RBFOX1: variants seen among roughly 807,000 people sequenced by gnomAD.
RBFOX1 encodes the protein RNA binding protein fox-1 homolog 1.
A neutral mutation model predicts 57.7 loss-of-function variants in RBFOX1; 8 were observed. The ratio of observed to expected loss-of-function variants is 0.14; its 90% CI spans 0.08 to 0.25. The LOEUF (loss-of-function observed/expected upper bound fraction) is 0.25, where lower values mean the gene tolerates loss of function less well. RBFOX1 is among the 10% of genes least tolerant of loss of function. The probability of loss-of-function intolerance (pLI) is 1.00; values close to 1 mark genes in which losing one functional copy is unlikely to be tolerated. For missense variants in RBFOX1, 611 were observed against 548.5 expected (o/e 1.11, Z -1.14); for synonymous variants, 326 against 222.4 (o/e 1.47, Z -4.15).
upstream of RBFOX1, among the ~76,000 whole-genome samples, chr16:6,014,407 T>C (rs1328308323): frequency 6.6e-6 from 1 of 152,196 alleles, no homozygotes; most frequent in Non-Finnish European, 1.5e-5. Flanking sequence ...CAAAAGTTGC[T>C]GTCTTTTCAC....
intron 1 of RBFOX1, among the ~76,000 whole-genome samples, chr16:6,107,623 G>A (rs1267059072): frequency 6.6e-6 from 1 of 151,748 alleles, no homozygotes; most frequent in Non-Finnish European, 1.5e-5. Context: ...ATACATAGAT[G>A]AATGGGTGAA....
chr16:5,851,672 T>G (rs143731541), intron 3 of RBFOX1, among the ~76,000 whole-genome samples: 48 of 152,354 alleles, frequency 3.2e-4, no homozygotes, highest in African/African-American at 9.6e-4. Context: ...CTCTGTGCTA[T>G]CAAAGGTTCT....
intron 4 of RBFOX1, among the ~76,000 whole-genome samples, chr16:7,371,748 CT>C (rs1456234977): frequency 6.6e-6 from 1 of 151,964 alleles, no homozygotes; most frequent in East Asian, 1.9e-4. Context: ...AAAACTCTAT[CT>C]GCAAAAAAGA....
intron 3 of RBFOX1, among the ~76,000 whole-genome samples, chr16:5,633,343 CT>C (rs2048580295): frequency 6.6e-6 from 1 of 152,066 alleles, no homozygotes; most frequent in African/African-American, 2.4e-5. Context: ...CATAGGTGCT[CT>C]TTTTGTAAAA....
chr16:6,057,294 C>G (rs1202488152), intron 1 of RBFOX1, among the ~76,000 whole-genome samples: 1 of 151,930 alleles, frequency 6.6e-6, no homozygotes, highest in African/African-American at 2.4e-5. Context: ...AGAATAATGA[C>G]CTGGGTTTTT....
intron 1 of RBFOX1, among the ~76,000 whole-genome samples, chr16:5,372,028 C>A (rs765536567): frequency 6.6e-6 from 1 of 152,170 alleles, no homozygotes; most frequent in African/African-American, 2.4e-5. Context: ...TTAAGATGCT[C>A]ATGATTTTGT....
At chr16:6,686,254 G>A (rs2059422099) in intron 3 of RBFOX1, among the ~76,000 whole-genome samples, 1 of 152,150 alleles carries the variant, frequency 6.6e-6, no homozygotes. Flanking sequence ...ATGAGACAGT[G>A]GTCAGGGCCA....
At chr16:6,953,752 G>T (rs901196111) in intron 3 of RBFOX1, among the ~76,000 whole-genome samples, 2 of 152,154 alleles carry the variant, frequency 1.3e-5, no homozygotes, top group African/African-American at 4.8e-5. Context: ...CATAATGGGT[G>T]TTGGTGCATT....
chr16:5,758,314 C>T (rs767850396), intron 3 of RBFOX1, among the ~76,000 whole-genome samples: 2 of 152,190 alleles, frequency 1.3e-5, no homozygotes, highest in East Asian at 1.9e-4. Flanking sequence ...AGTTACCTCT[C>T]GGCTCTATTA....
intron 1 of RBFOX1, among the ~76,000 whole-genome samples, chr16:6,196,011 T>G (rs1022414581): frequency 3.3e-5 from 5 of 152,182 alleles, no homozygotes; most frequent in Non-Finnish European, 7.3e-5. Context: ...CTAGGAGTAC[T>G]TGTAATATTC....
chr16:6,646,107 T>C (rs2098532424), intron 2 of RBFOX1, among the ~76,000 whole-genome samples: 1 of 151,798 alleles, frequency 6.6e-6, no homozygotes, highest in Admixed American at 6.6e-5. Context: ...CACTTTTAAG[T>C]AGTTGAGCTG....
Position 7,589,912 on chromosome 16 carries a change from GGTGTGTGTGTGTGTGTGT to G in RBFOX1, c.468+2635_468+2652del, listed in dbSNP as rs3029164. Among the ~76,000 whole-genome samples the G allele has an allele frequency of 2.2e-5, 3 of 134,946 alleles. No homozygotes were observed. The Admixed American group carries it at 2.3e-4, about 10-fold the overall frequency. The allele number at this position is 134,946 out of a possible 152,430, so 88.5% of individuals were successfully genotyped here. Reference sequence around the variant, plus strand: ...TCAATGCTGAAGGCTGTGTGTGCTGGGTGTGTGTGTGTGTGTGTGTGTGTGTGTGTGTGTGTGTGTATG... The same window carrying G: ...TCAATGCTGAAGGCTGTGTGTGCTGGGTGTGTGTGTGTGTGTGTGTGTATG... On this transcript the variant is annotated intron_variant, in intron 7 of 15. Transcript: ENST00000550418.
intron 4 of RBFOX1, among the ~76,000 whole-genome samples, chr16:7,317,898 C>G (rs916704097): frequency 6.6e-6 from 1 of 150,904 alleles, no homozygotes; most frequent in African/African-American, 2.4e-5. Context: ...GTATACTACC[C>G]CAGTACAGTA....
chr16:5,322,046 A>C (rs1768879842), intron 1 of RBFOX1, among the ~76,000 whole-genome samples: 1 of 152,134 alleles, frequency 6.6e-6, no homozygotes, highest in South Asian at 2.1e-4. Context: ...GCTGAGGCTT[A>C]GGGGGCTTTA....
chr16:5,952,376 C>T (rs551139121), intron 4 of RBFOX1, among the ~76,000 whole-genome samples: 3 of 152,206 alleles, frequency 2.0e-5, no homozygotes, highest in Non-Finnish European at 2.9e-5. Context: ...GTCTCAAATT[C>T]CTGACCTCAA....
intron 2 of RBFOX1, among the ~76,000 whole-genome samples, chr16:6,552,888 A>G (rs978435103): frequency 6.6e-6 from 1 of 152,144 alleles, no homozygotes; most frequent in Non-Finnish European, 1.5e-5. Context: ...TATACATAAT[A>G]TAACAAAATG....
At chr16:7,061,782 C>T (rs1004615590) in intron 4 of RBFOX1, among the ~76,000 whole-genome samples, 44 of 152,138 alleles carry the variant, frequency 2.9e-4, no homozygotes, top group Non-Finnish European at 1.0e-4. Flanking sequence ...CTCTTCATTT[C>T]TATGACTGAT....
chr16:6,042,102 CTTT>C (rs35458939), intron 1 of RBFOX1, among the ~76,000 whole-genome samples: 4 of 140,898 alleles, frequency 2.8e-5, no homozygotes, highest in Non-Finnish European at 3.1e-5. Context: ...CTCTCTCCTA[CTTT>C]TTTTTTTTTT....
In RBFOX1 at chr16:7,586,043, G is replaced by C. The variant is rs187814233; in HGVS notation, c.415-1204G>C. 3.3e-3 allele frequency among the ~76,000 whole-genome samples: 505 copies of C among 152,240 alleles called. 5 individuals carry two copies. Among genetic ancestry groups the C allele is most frequent in the African/African-American group, 0.012 (486 of 41,538 alleles). Reference sequence around the variant, plus strand: ...GGATGCAATTAAAATCCAGAATGCAGAAGTGAATGGAATGATAGGAAAGCT... The same window carrying C: ...GGATGCAATTAAAATCCAGAATGCACAAGTGAATGGAATGATAGGAAAGCT... On this transcript the variant is annotated intron_variant, in intron 6 of 15. Coordinates refer to ENST00000550418, the MANE Select transcript of RBFOX1 (RefSeq NM_018723.4).
Sources: allele counts gnomAD v4.1 joint callset (sites outside exome capture counted in the v4.1 genomes callset), GRCh38; gene constraint gnomAD v4.1.1; transcripts MANE v1.5; gene names NCBI Gene and HGNC (gene_info 2026-07-23, HGNC 2026-07-21).